VPS8: variants seen among roughly 807,000 people sequenced by gnomAD.
The protein encoded by VPS8 is vacuolar protein sorting-associated protein 8 homolog.
In VPS8, 129 loss-of-function variants were observed where a neutral mutation model predicts 216.4. The ratio of observed to expected loss-of-function variants is 0.60; its 90% CI spans 0.52 to 0.69. The LOEUF (loss-of-function observed/expected upper bound fraction) is 0.69. Among genes scored for constraint, VPS8 ranks in the 30% least tolerant of loss-of-function variants. VPS8 has a pLI of 0.00. For missense variants in VPS8, 1,531 were observed against 1,683.5 expected, an observed-to-expected ratio of 0.91 and a Z score of 1.59; for synonymous variants, 571 against 565.4, an observed-to-expected ratio of 1.01 and a Z score of -0.14.
At chr3:184,828,056 G>C (rs1380842274) in intron 3 of VPS8, among the ~76,000 whole-genome samples, 2 of 152,192 alleles carry the variant, frequency 1.3e-5, no homozygotes, top group Non-Finnish European at 1.5e-5. Context: ...AGGATATGTG[G>C]ATGCATATAT....
At chr3:184,868,907 A>G in intron 18 of VPS8, 39 bp from the exon 19 acceptor site, 1 of 1,560,974 alleles carries the variant, frequency 6.4e-7, no homozygotes, top group East Asian at 2.3e-5. Flanking sequence ...GTGACTGGTC[A>G]GACAAAGGGG....
At chr3:185,049,052 T>G (rs10937196) in intron 47 of VPS8, among the ~76,000 whole-genome samples, 72,966 of 152,046 alleles carry the variant, frequency 0.48, 17,818 homozygotes, top group East Asian at 0.67. Flanking sequence ...TCTGTCCTGT[T>G]GCTCTGCCTT....
chr3:185,046,422 AT>A (rs1712923506), intron 46 of VPS8, among the ~76,000 whole-genome samples: 1 of 152,142 alleles, frequency 6.6e-6, no homozygotes. Flanking sequence ...CATGCCCTAA[AT>A]GCCTGTTAAT....
intron 16 of VPS8, 134 bp downstream of exon 16, chr3:184,863,201 A>G (rs1726698746): frequency 6.8e-6 from 7 of 1,031,118 alleles, no homozygotes; most frequent in Non-Finnish European, 8.4e-6. Flanking sequence ...ACAAGCCACT[A>G]GGTTGAAGTG....
chr3:184,906,975 G>C (rs778529276), intron 25 of VPS8, among the ~76,000 whole-genome samples: 1 of 152,174 alleles, frequency 6.6e-6, no homozygotes, highest in African/African-American at 2.4e-5. Context: ...TCTGAGACCT[G>C]TTAGGCCAGG....
intron 42 of VPS8, among the ~76,000 whole-genome samples, chr3:184,988,233 A>C (rs998852819): frequency 2.0e-5 from 3 of 152,224 alleles, no homozygotes; most frequent in Non-Finnish European, 4.4e-5. Context: ...GTAAAAACTC[A>C]TCACCAAACT....
At chr3:184,988,080 T>C (rs1186049243) in intron 42 of VPS8, among the ~76,000 whole-genome samples, 2 of 152,228 alleles carry the variant, frequency 1.3e-5, no homozygotes, top group Non-Finnish European at 2.9e-5. Flanking sequence ...ATCACATGCG[T>C]GTTTTTGCAA....
intron 35 of VPS8, among the ~76,000 whole-genome samples, chr3:184,936,697 C>G (rs1236117246): frequency 6.6e-6 from 1 of 151,806 alleles, no homozygotes; most frequent in African/African-American, 2.4e-5. Context: ...CACAGATCCT[C>G]CCTTCTCCCA....
chr3:184,993,085 G>T (rs1196914712), intron 42 of VPS8, among the ~76,000 whole-genome samples: 2 of 151,808 alleles, frequency 1.3e-5, no homozygotes, highest in Non-Finnish European at 2.9e-5. Context: ...AGAAATACTT[G>T]TAATGTGTCA....
intron 20 of VPS8, 61 bp from the exon 21 acceptor site, chr3:184,870,655 T>C: frequency 7.8e-7 from 1 of 1,279,264 alleles, no homozygotes; most frequent in Non-Finnish European, 1.1e-6. Flanking sequence ...GAGAGCCACA[T>C]ACATATTGAA....
At chr3:184,860,458 T>TACAC (rs1471948668) in intron 15 of VPS8, among the ~76,000 whole-genome samples, 4 of 77,982 alleles carry the variant, frequency 5.1e-5, no homozygotes, top group Middle Eastern at 6.8e-3. Context: ...TATGTATGTA[T>TACAC]ACACACACAT....
chr3:184,950,264 G>A (rs1266802417), intron 36 of VPS8, among the ~76,000 whole-genome samples: 1 of 107,952 alleles, frequency 9.3e-6, no homozygotes, highest in Non-Finnish European at 1.8e-5. Context: ...TGTTGTGGAT[G>A]ATGTATTTGC....
intron 1 of VPS8, among the ~76,000 whole-genome samples, chr3:184,821,700 C>G (rs1434234317): frequency 6.6e-6 from 1 of 152,048 alleles, no homozygotes; most frequent in Non-Finnish European, 1.5e-5. Flanking sequence ...GAATCTGTAC[C>G]TAGAACCTAA....
intron 36 of VPS8, among the ~76,000 whole-genome samples, chr3:184,956,133 TG>T (rs1745559824): frequency 6.6e-6 from 1 of 152,244 alleles, no homozygotes; most frequent in African/African-American, 2.4e-5. Flanking sequence ...AAATGCCCTG[TG>T]TCTAAATACA....
chr3:184,855,622 C>G (rs1352498916), intron 13 of VPS8, 89 bp from the exon 14 acceptor site: 4 of 1,046,748 alleles, frequency 3.8e-6, no homozygotes, highest in African/African-American at 1.6e-5. Context: ...TCAAGGAACA[C>G]TAGTCAGATG....
At chr3:184,961,295 G>C (rs932335227) in intron 37 of VPS8, among the ~76,000 whole-genome samples, 1 of 151,964 alleles carries the variant, frequency 6.6e-6, no homozygotes, top group Non-Finnish European at 1.5e-5. Context: ...GTCATGTATC[G>C]CTTTTCCTTT....
chr3:184,840,988 T>C (rs1232973603), intron 7 of VPS8, among the ~76,000 whole-genome samples: 1 of 152,206 alleles, frequency 6.6e-6, no homozygotes, highest in East Asian at 1.9e-4. Flanking sequence ...TGGCTTACTA[T>C]TATAAATTTT....
chr3:184,851,482 T>C (rs1377999628), intron 10 of VPS8, among the ~76,000 whole-genome samples: 6 of 152,030 alleles, frequency 3.9e-5, no homozygotes, highest in Non-Finnish European at 7.4e-5. Context: ...TGTGTGTGTG[T>C]GCGTTTATAT....
In VPS8 at chr3:184,983,084, G is replaced by T. The variant is rs1206020651; in HGVS notation, c.3575G>T (p.Arg1192Ile). 6.2e-7 allele frequency: 1 copy of T among 1,606,644 alleles called. No homozygotes were observed. Residue 1192 changes from arginine (R) to isoleucine (I), a missense_variant, in exon 42 of 48, where the codon AGA becomes ATA. Coordinates refer to ENST00000625842, the MANE Select transcript of VPS8 (RefSeq NM_001009921.3). ...ATTGCCCTTCCATCAATCTTGCAAAGAATCTTACAGGTGAGTTAAAAGGGG... is the reference window on the plus strand; with the variant it reads ...ATTGCCCTTCCATCAATCTTGCAAATAATCTTACAGGTGAGTTAAAAGGGG... ...AFIALPSILQRILQDPVYGKG... is the reference protein window; with the variant it reads ...AFIALPSILQIILQDPVYGKG...
Sources: allele counts gnomAD v4.1 joint callset (sites outside exome capture counted in the v4.1 genomes callset), GRCh38; gene constraint gnomAD v4.1.1; transcripts MANE v1.5; gene names NCBI Gene and HGNC (gene_info 2026-07-23, HGNC 2026-07-21).